SEPTIN8: variants seen among roughly 807,000 people sequenced by gnomAD.
SEPTIN8 encodes the protein septin-8.
SEPTIN8 carries 22 observed loss-of-function variants against 53.1 expected under a neutral mutation model. The ratio of observed to expected loss-of-function variants is 0.41; its 90% confidence interval spans 0.30 to 0.59. The LOEUF is 0.59. SEPTIN8 is among the 20% of genes least tolerant of loss of function. The probability of loss-of-function intolerance (pLI) is 0.24; values close to 1 mark genes in which losing one functional copy is unlikely to be tolerated. For synonymous variants in SEPTIN8, 228 were observed against 248.4 expected (o/e 0.92, Z 0.77); for missense variants, 536 against 638.7 (o/e 0.84, Z 1.73).
chr5:132,775,215 G>A (rs1195621510), intron 1 of SEPTIN8, among the ~76,000 whole-genome samples: 1 of 152,174 alleles, frequency 6.6e-6, no homozygotes, highest in East Asian at 1.9e-4. Flanking sequence ...GGACCCCAGG[G>A]GAAGGCTTGA....
At chr5:132,757,457 AAG>A (rs1413238383) in intron 9 of SEPTIN8, 16 of 985,344 alleles carry the variant, frequency 1.6e-5, no homozygotes, top group Non-Finnish European at 1.8e-5. Context: ...GCCAGACAGA[AAG>A]GGGGAAATGG....
rs1757825070 is a variant in SEPTIN8, at chr5:132,776,657, T to C, written c.30+451A>G. Among the ~76,000 whole-genome samples, 3 of 152,086 alleles carry C rather than the reference T, an allele frequency of 2.0e-5. No individual in the cohort carries two copies. The highest frequency in any genetic ancestry group is 4.4e-5 in the Non-Finnish European group (3 of 67,998). ...TGTCCTGGGCTCGTGTGGGAGACTC[T>C]CTCGGATCCTGGGGCCTCCATCCTC... is the stretch of plus-strand genomic sequence containing the variant. On this transcript the variant is annotated intron_variant, in intron 1 of 9. Coordinates refer to ENST00000378719, the MANE Select transcript of SEPTIN8 (RefSeq NM_001098811.2). This position sits in a 1 kb window ranked among gnomAD's most constrained non-coding sequence, Gnocchi z 4.4.
chr5:132,754,279 T>C, intron 9 of SEPTIN8: 1 of 645,750 alleles, frequency 1.5e-6, no homozygotes, highest in Non-Finnish European at 2.8e-6. Context: ...CCAGAACCCA[T>C]TTTACAGATG....
Position 132,765,464 on chromosome 5 carries a change from G to A in SEPTIN8, c.96C>T (p.Asp32=). The change falls in exon 2 of 10, where the codon GAC becomes GAT. Residue 32 remains aspartate (D), a synonymous_variant. Transcript: ENST00000378719. ...GGHVGFDSLP[D]QLVSKSVTQG... is the part of the protein sequence containing the mutation. ...GAGTGACCGACTTGCTGACCAGCTGGTCGGGGAGGCTGTCGAAACCCACAT... is the reference window on the plus strand; with the variant it reads ...GAGTGACCGACTTGCTGACCAGCTGATCGGGGAGGCTGTCGAAACCCACAT... 6.2e-7 allele frequency: 1 copy of A among 1,613,472 alleles called. No individual in the cohort carries two copies.
chr5:132,779,827 C>T (rs1275782280), upstream of SEPTIN8, among the ~76,000 whole-genome samples: 1 of 152,136 alleles, frequency 6.6e-6, no homozygotes, highest in African/African-American at 2.4e-5. Flanking sequence ...TCATCTTTCC[C>T]CTCTGATGTA....
intron 9 of SEPTIN8, chr5:132,756,765 A>T (rs1755379808): frequency 1.0e-6 from 1 of 985,360 alleles, no homozygotes; most frequent in Admixed American, 6.1e-5. Flanking sequence ...GCCAGCCACG[A>T]GTATGGCCTT....
chr5:132,761,536 C>T lies in SEPTIN8; in HGVS notation c.884G>A (p.Arg295Gln), dbSNP rs776945493. ...MEDLREQTHSRHYELYRRCKL... is the reference protein window; with the variant it reads ...MEDLREQTHSQHYELYRRCKL... ...GCAGCGCCGGTAGAGCTCGTAGTGC[C>T]GGCTGTGGGTCTGCTCGCGGAGGTC... The change falls in exon 7 of 10, where the codon CGG becomes CAG. Residue 295 changes from arginine to glutamine, a missense_variant. Transcript: ENST00000378719. The surrounding 1 kb of genome is among the most constrained non-coding windows in gnomAD (Gnocchi z 5.8). 1.2e-5 allele frequency: 20 copies of T among 1,613,764 alleles called. No homozygotes were observed. The highest frequency in any genetic ancestry group is 1.3e-5 in the African/African-American group (1 of 74,876).
chr5:132,761,607 G>A lies in SEPTIN8; in HGVS notation c.813C>T (p.Cys271=), dbSNP rs75721931. ...GVVQVENENH[C]DFVKLREMLI... is the part of the protein sequence containing the mutation. ...ACATCTCCCGCAGCTTCACGAAGTC[G>A]CAGTGATTCTCATTCTCCACTGAAA... The change falls in exon 7 of 10, where the codon TGC becomes TGT. Residue 271 remains cysteine, a synonymous_variant. Transcript: ENST00000378719. This position sits in a 1 kb window ranked among gnomAD's most constrained non-coding sequence, Gnocchi z 5.8. 7.3e-4 allele frequency: 1,172 copies of A among 1,613,862 alleles called. 10 individuals are homozygous for A. In the African/African-American group the frequency reaches 0.014, roughly 19 times the overall value.
intron 5 of SEPTIN8, 117 bp from the exon 6 acceptor site, chr5:132,762,013 GC>G: frequency 1.2e-6 from 1 of 802,254 alleles, no homozygotes; most frequent in Non-Finnish European, 1.9e-6. Context: ...AGGCTCCAGG[GC>G]CAGATGCTTA....
chr5:132,778,068 A>C (rs1757944107), upstream of SEPTIN8: 2 of 985,598 alleles, frequency 2.0e-6, no homozygotes, highest in Non-Finnish European at 1.2e-6. Context: ...CAAAACGTTC[A>C]GAAAATTAAC....
Position 132,773,476 on chromosome 5 carries a change from C to T in SEPTIN8, c.30+3632G>A, listed in dbSNP as rs964230909. ...ATATAATATATGCTTCCACCTAGCC[C>T]ATCCGAGGGCTCAAAACGCCAAGGT... On this transcript the variant is annotated intron_variant, in intron 1 of 9. Transcript: ENST00000378719. This position sits in a 1 kb window ranked among gnomAD's most constrained non-coding sequence, Gnocchi z 4.2. Among the ~76,000 whole-genome samples the T allele has an allele frequency of 6.6e-6, 1 of 152,204 alleles. No individual in the cohort carries two copies. The highest frequency in any genetic ancestry group is 1.5e-5 in the Non-Finnish European group (1 of 68,042).
Position 132,761,697 on chromosome 5 carries a change from C to A in SEPTIN8, c.794-71G>T. On this transcript the variant is annotated intron_variant, in intron 6 of 9. Transcript: ENST00000378719. The surrounding 1 kb of genome is among the most constrained non-coding windows in gnomAD (Gnocchi z 5.8). ...GCACACTCCAGAGTCAGGGTAGGCA[C>A]GCAGGTGGGCATGAGGAGGAAACAG... The A allele has an allele frequency of 3.1e-6, 5 of 1,593,052 alleles. No homozygotes were observed. Among genetic ancestry groups the A allele is most frequent in the Non-Finnish European group, 4.3e-6 (5 of 1,167,530 alleles).
rs573466381 is a variant in SEPTIN8, at chr5:132,751,517, T to C, written c.*499A>G. 9 of 194,628 alleles carry C rather than the reference T, an allele frequency of 4.6e-5. No individual in the cohort carries two copies. In the South Asian group the frequency reaches 8.1e-4, roughly 18 times the overall value. The allele number at this position is 194,628 out of a possible 1,614,324, so 12.1% of individuals were successfully genotyped here. A position where few individuals can be genotyped will look rare whatever the true frequency, so the allele number is the denominator to read the frequency against. The stretch of plus-strand genomic sequence containing the variant: ...CTGTTAGTAAGGCAAAATTATGCAA[T>C]GTGGAAATCTCATGGGGTTTTGGTT... On this transcript the variant is annotated 3_prime_UTR_variant, in exon 10 of 10. Transcript: ENST00000378719.
At chr5:132,762,344 G>T in intron 5 of SEPTIN8, 140 bp downstream of exon 5, 1 of 807,454 alleles carries the variant, frequency 1.2e-6, no homozygotes, top group Non-Finnish European at 2.0e-6. Context: ...GGACTGGCCA[G>T]CTCCAGATGC....
Position 132,762,640 on chromosome 5 carries a change from G to A in SEPTIN8, c.540C>T (p.Asn180=). ...VTMKKLDSKV[N]IIPIIAKADT... is the part of the protein sequence containing the mutation. ...CAGCCTTGGCGATGATGGGAATAAT[G>A]TTCACCTGCCAGGATCAGGGGAGGG... Residue 180 remains asparagine, a synonymous_variant, in exon 5 of 10, where the codon AAC becomes AAT. Transcript: ENST00000378719. The A allele has an allele frequency of 6.2e-7, 1 of 1,614,220 alleles. No homozygotes were observed. The highest frequency in any genetic ancestry group is 2.2e-5 in the East Asian group (1 of 44,888).
At position 132,764,588 on chromosome 5, in the gene SEPTIN8, C is replaced by A. The variant is rs563564098; in HGVS notation, c.152-169G>T. Among the ~76,000 whole-genome samples the A allele has an allele frequency of 6.6e-5, 10 of 152,304 alleles. No homozygotes were observed. The East Asian group carries it at 1.9e-3, about 29-fold the overall frequency. On this transcript the variant is annotated intron_variant, in intron 2 of 9. Coordinates refer to ENST00000378719, the MANE Select transcript of SEPTIN8 (RefSeq NM_001098811.2). ...ATCACCCCCATTCCCCAGGAACTAT[C>A]TTTTCCTGTGGCCTCAGAAATAACC...
At chr5:132,777,442 G>A, upstream of SEPTIN8, 1 of 993,170 alleles carries the variant, frequency 1.0e-6, no homozygotes, top group African/African-American at 1.7e-5. The surrounding 1 kb of genome is among the most constrained non-coding windows in gnomAD (Gnocchi z 4.1). Flanking sequence ...GGGACTTGTA[G>A]TCCGCGCGTT....
chr5:132,764,168 G>T (rs1215460631), intron 3 of SEPTIN8, 56 bp downstream of exon 3: 3 of 1,542,072 alleles, frequency 1.9e-6, no homozygotes, highest in East Asian at 2.3e-5. Flanking sequence ...TGTTATAGGG[G>T]CCAATGTAGG....
chr5:132,774,352 C>G (rs756363727), intron 1 of SEPTIN8: 1 of 156,496 alleles, frequency 6.4e-6, no homozygotes, highest in Non-Finnish European at 1.5e-5. Context: ...GGGGTCTGAA[C>G]CTGTGAGATT....
Sources: allele counts gnomAD v4.1 joint callset (sites outside exome capture counted in the v4.1 genomes callset), GRCh38; gene constraint gnomAD v4.1.1; non-coding constraint Gnocchi (gnomAD v3.1); transcripts MANE v1.5; gene names NCBI Gene and HGNC (gene_info 2026-07-23, HGNC 2026-07-21).